The following TBL1XR1 variants were observed in gnomAD, a reference collection of about 807,000 sequenced individuals.
The protein encoded by TBL1XR1 is TBL1X/Y related 1.
TBL1XR1 carries 5 observed loss-of-function variants against 66.9 expected under a neutral mutation model. The observed-to-expected ratio is 0.07, with a 90% CI of 0.04 to 0.16. TBL1XR1 has a LOEUF of 0.16. Among genes scored for constraint, TBL1XR1 ranks in the 10% least tolerant of loss-of-function variants. TBL1XR1 has a pLI of 1.00. For missense variants in TBL1XR1, 238 were observed against 623.2 expected (o/e 0.38, Z 6.58); for synonymous variants, 210 against 206.0 (o/e 1.02, Z -0.17).
chr3:177,090,510 T>C (rs896739166), intron 2 of TBL1XR1, among the ~76,000 whole-genome samples: 30 of 125,436 alleles, frequency 2.4e-4, no homozygotes, highest in Middle Eastern at 8.3e-3. Context: ...GGAGACACTG[T>C]CTCTACTAAA....
rs879920716 is a variant in TBL1XR1 at position 177,087,143 on chromosome 3, CCA to C, written c.-46+11321_-46+11322del. On this transcript the variant is annotated intron_variant, in intron 2 of 15. Coordinates refer to ENST00000457928, the MANE Select transcript of TBL1XR1 (RefSeq NM_024665.7). The stretch of plus-strand genomic sequence containing the variant: ...TTAAAAAAACCAAGTAGAAGTGAAC[CCA>C]CATAGTCCACACCTGTGTTGTTCAA... The C allele has an allele frequency of 3.4e-5, 5 of 148,256 alleles. No homozygotes were observed. The South Asian group carries it at 8.8e-4, about 26-fold the overall frequency. The allele number at this position is 148,256 out of a possible 1,614,324, so 9.2% of individuals were successfully genotyped here.
At chr3:177,052,426 T>A (rs899829085) in intron 4 of TBL1XR1, among the ~76,000 whole-genome samples, 1 of 152,172 alleles carries the variant, frequency 6.6e-6, no homozygotes, top group African/African-American at 2.4e-5. Flanking sequence ...TCTACAGTGT[T>A]ATTGCAGGGT....
intron 1 of TBL1XR1, among the ~76,000 whole-genome samples, chr3:177,190,323 T>C (rs1195058817): frequency 6.6e-6 from 1 of 151,940 alleles, no homozygotes; most frequent in Non-Finnish European, 1.5e-5. Context: ...ATTTTCTTTT[T>C]TTGTGTATGT....
chr3:177,087,068 T>A (rs912423899), intron 2 of TBL1XR1: 2 of 142,996 alleles, frequency 1.4e-5, no homozygotes, highest in Non-Finnish European at 3.0e-5. Flanking sequence ...GTAGAAGAGG[T>A]GGAAGGACAG....
chr3:177,090,517 T>TA (rs768136243), intron 2 of TBL1XR1, among the ~76,000 whole-genome samples: 14,994 of 102,352 alleles, frequency 0.15, 1,305 homozygotes, highest in South Asian at 0.31. Context: ...CTGTCTCTAC[T>TA]AAAAAAAAAA....
rs183712763 is a variant in TBL1XR1 at position 177,102,526 on chromosome 3, G to A, written c.-121-3985C>T. On this transcript the variant is annotated intron_variant, in intron 1 of 15. Transcript: ENST00000457928. ...AGATATAGTGATATACTTTACAAAG[G>A]AATTACAAAACTTAAGGTGCATTTA... Among the ~76,000 whole-genome samples the A allele has an allele frequency of 1.1e-3, 174 of 152,244 alleles. 2 individuals carry two copies. Among genetic ancestry groups the A allele is most frequent in the Middle Eastern group, 6.8e-3 (2 of 294 alleles).
At chr3:177,174,737 C>G (rs1156235285) in intron 1 of TBL1XR1, among the ~76,000 whole-genome samples, 2 of 152,176 alleles carry the variant, frequency 1.3e-5, no homozygotes, top group African/African-American at 4.8e-5. Context: ...ACACCTATTA[C>G]ACTACTACCA....
chr3:177,150,096 C>T (rs1199810214), intron 1 of TBL1XR1, among the ~76,000 whole-genome samples: 1 of 152,086 alleles, frequency 6.6e-6, no homozygotes, highest in Non-Finnish European at 1.5e-5. Flanking sequence ...TGATTCCAAA[C>T]AAGAGTATCA....
At chr3:177,118,671 A>G (rs1726604979) in intron 1 of TBL1XR1, among the ~76,000 whole-genome samples, 1 of 152,198 alleles carries the variant, frequency 6.6e-6, no homozygotes, top group African/African-American at 2.4e-5. Flanking sequence ...CTGAATGTGT[A>G]CTATTTGCCA....
chr3:177,060,519 T>C (rs184811491), intron 3 of TBL1XR1, among the ~76,000 whole-genome samples: 4 of 152,272 alleles, frequency 2.6e-5, no homozygotes, highest in Admixed American at 2.6e-4. Flanking sequence ...TTAAACCTAG[T>C]ATCAAGAATT....
intron 1 of TBL1XR1, among the ~76,000 whole-genome samples, chr3:177,138,388 A>AGT (rs1186731005): frequency 6.6e-6 from 1 of 152,182 alleles, no homozygotes; most frequent in Non-Finnish European, 1.5e-5. Flanking sequence ...TGAGCCCAGG[A>AGT]GTGTGAGGCC....
At chr3:177,112,091 A>G (rs1332642222) in intron 1 of TBL1XR1, among the ~76,000 whole-genome samples, 2 of 45,636 alleles carry the variant, frequency 4.4e-5, no homozygotes, top group Admixed American at 2.1e-4. Flanking sequence ...ATATATATAT[A>G]TATATATATA....
upstream of TBL1XR1, among the ~76,000 whole-genome samples, chr3:177,197,653 G>T (rs1737062331): frequency 7.0e-6 from 1 of 142,238 alleles, no homozygotes; most frequent in Admixed American, 6.9e-5. Flanking sequence ...CGGGCGCGCG[G>T]GGGAGGGGCC....
At chr3:177,175,443 TAAA>T (rs1734041358) in intron 1 of TBL1XR1, among the ~76,000 whole-genome samples, 1 of 152,188 alleles carries the variant, frequency 6.6e-6, no homozygotes, top group African/African-American at 2.4e-5. Flanking sequence ...TTCAGATATC[TAAA>T]AAATATTTTG....
At chr3:177,045,072 A>C (rs975725186) in intron 10 of TBL1XR1, 14 of 152,182 alleles carry the variant, frequency 9.2e-5, no homozygotes, top group African/African-American at 3.1e-4. Flanking sequence ...ACTTATTCAG[A>C]TACTACAGAA....
chr3:177,096,327 T>TACACACACACACACACACAC (rs1325905920), intron 2 of TBL1XR1, among the ~76,000 whole-genome samples: 48 of 108,264 alleles, frequency 4.4e-4, no homozygotes, highest in East Asian at 2.1e-3. Context: ...CACACTAACA[T>TACACACACACACACACACAC]ACATACATAC....
chr3:177,141,696 T>A (rs367816580), intron 1 of TBL1XR1, among the ~76,000 whole-genome samples: 13 of 152,202 alleles, frequency 8.5e-5, no homozygotes, highest in African/African-American at 3.1e-4. Flanking sequence ...ATGTATCGCA[T>A]ATAAAAGATA....
chr3:177,080,327 G>A (rs998643904), intron 2 of TBL1XR1, among the ~76,000 whole-genome samples: 1 of 152,026 alleles, frequency 6.6e-6, no homozygotes. Flanking sequence ...TTCACCTTTG[G>A]CCAGACTGCC....
intron 5 of TBL1XR1, 71 bp downstream of exon 5, chr3:177,051,433 C>T: frequency 1.4e-6 from 2 of 1,392,944 alleles, no homozygotes; most frequent in Non-Finnish European, 1.9e-6. Context: ...GCACATGTAC[C>T]CCGAATTAAA....
Sources: allele counts gnomAD v4.1 joint callset (sites outside exome capture counted in the v4.1 genomes callset), GRCh38; gene constraint gnomAD v4.1.1; transcripts MANE v1.5; gene names NCBI Gene and HGNC (gene_info 2026-07-23, HGNC 2026-07-21).